Variants in HECW1 observed in about 807,000 individuals in gnomAD.
HECW1 encodes HECT, C2 and WW domain containing E3 ubiquitin protein ligase 1, also known as E3 ubiquitin-protein ligase HECW1.
In HECW1, 61 loss-of-function variants were observed where a neutral mutation model predicts 182.3. That is an observed-to-expected ratio of 0.33 (90% CI 0.27 to 0.41). The LOEUF (loss-of-function observed/expected upper bound fraction) is 0.41, where lower values mean the gene tolerates loss of function less well. HECW1 is among the 10% of genes least tolerant of loss of function. HECW1 has a pLI of 1.00. For synonymous variants in HECW1, 859 were observed against 832.6 expected (o/e 1.03, Z -0.55); for missense variants, 1,739 against 2,108.9 (o/e 0.82, Z 3.44).
chr7:43,523,641 A>T (rs967006942), intron 24 of HECW1, among the ~76,000 whole-genome samples: 3 of 152,156 alleles, frequency 2.0e-5, no homozygotes, highest in African/African-American at 7.2e-5. Context: ...CGCCATCTCG[A>T]AAAAAAGAAA....
chr7:43,497,011 G>T (rs558390318), intron 19 of HECW1, among the ~76,000 whole-genome samples: 8 of 152,232 alleles, frequency 5.3e-5, no homozygotes, highest in East Asian at 1.9e-4. Context: ...CAAGCTTGGG[G>T]TTTGTTTTTT....
At chr7:43,295,365 G>C (rs1382420064) in intron 3 of HECW1, among the ~76,000 whole-genome samples, 5 of 152,300 alleles carry the variant, frequency 3.3e-5, no homozygotes, top group African/African-American at 4.8e-5. Context: ...TAGGAGGCAG[G>C]TTGGCCCAAG....
chr7:43,362,466 A>T (rs1343739057), intron 6 of HECW1, among the ~76,000 whole-genome samples: 1 of 152,154 alleles, frequency 6.6e-6, no homozygotes, highest in Non-Finnish European at 1.5e-5. Context: ...GGCCATGCAG[A>T]TTGGAACGTG....
intron 2 of HECW1, among the ~76,000 whole-genome samples, chr7:43,153,553 G>A (rs983647826): frequency 6.6e-6 from 1 of 152,160 alleles, no homozygotes; most frequent in Non-Finnish European, 1.5e-5. Flanking sequence ...GTCAGCATCT[G>A]TTTTCTTTGT....
chr7:43,159,057 C>T (rs1790206282), intron 2 of HECW1, among the ~76,000 whole-genome samples: 1 of 152,050 alleles, frequency 6.6e-6, no homozygotes, highest in South Asian at 2.1e-4. Context: ...GGGACCACAG[C>T]CTGAGAACTG....
chr7:43,116,898 T>A (rs1785097700), intron 2 of HECW1, among the ~76,000 whole-genome samples: 1 of 152,200 alleles, frequency 6.6e-6, no homozygotes, highest in Non-Finnish European at 1.5e-5. Context: ...GTGATTATTT[T>A]TGTTGGTTTA....
intron 11 of HECW1, among the ~76,000 whole-genome samples, chr7:43,447,902 G>T (rs1445955315): frequency 6.6e-6 from 1 of 152,144 alleles, no homozygotes; most frequent in Non-Finnish European, 1.5e-5. Flanking sequence ...GAGGTGGGTG[G>T]ATTGCCTGAG....
At chr7:43,232,205 GAAGAAAGACATCCTT>G (rs1382238610) in intron 2 of HECW1, among the ~76,000 whole-genome samples, 6 of 152,130 alleles carry the variant, frequency 3.9e-5, no homozygotes, top group Non-Finnish European at 7.3e-5. Context: ...CCACAGGAAA[GAAGAAAGACATCCTT>G]AAATGCAACC....
chr7:43,153,316 G>A (rs569897399), intron 2 of HECW1, among the ~76,000 whole-genome samples: 157 of 152,282 alleles, frequency 1.0e-3, no homozygotes, highest in Non-Finnish European at 1.8e-3. Flanking sequence ...TGGAAAAAGA[G>A]AATGGAGATG....
intron 6 of HECW1, among the ~76,000 whole-genome samples, chr7:43,364,663 C>T (rs986096152): frequency 6.6e-6 from 1 of 152,170 alleles, no homozygotes; most frequent in Non-Finnish European, 1.5e-5. Flanking sequence ...TACAAAGGCA[C>T]GGGGTGAGAA....
chr7:43,362,131 CAA>C (rs34879817), intron 6 of HECW1, among the ~76,000 whole-genome samples: 12,428 of 87,516 alleles, frequency 0.14, 469 homozygotes, highest in East Asian at 0.28. Context: ...AACTCCGTCT[CAA>C]AAAAAAAAAA....
At chr7:43,206,121 G>C (rs1204973647) in intron 2 of HECW1, among the ~76,000 whole-genome samples, 1 of 152,166 alleles carries the variant, frequency 6.6e-6, no homozygotes, top group Non-Finnish European at 1.5e-5. Context: ...TTTGGAACCG[G>C]AGAGCAAATT....
At chr7:43,323,064 C>G (rs1376931101) in intron 5 of HECW1, among the ~76,000 whole-genome samples, 1 of 152,186 alleles carries the variant, frequency 6.6e-6, no homozygotes, top group Non-Finnish European at 1.5e-5. Context: ...AGCCACATCT[C>G]TTCTACACTT....
At chr7:43,552,105 CAAAA>C in intron 27 of HECW1, 113 bp from the exon 28 acceptor site, 2 of 671,352 alleles carry the variant, frequency 3.0e-6, no homozygotes. Context: ...ATTACAGACT[CAAAA>C]AAAGTATTGC....
At chr7:43,231,103 A>C (rs1398970509) in intron 2 of HECW1, among the ~76,000 whole-genome samples, 1 of 152,216 alleles carries the variant, frequency 6.6e-6, no homozygotes, top group East Asian at 1.9e-4. Flanking sequence ...TATGAAGTAG[A>C]TAGAATTCTA....
chr7:43,471,710 C>T (rs1489095065), intron 16 of HECW1, among the ~76,000 whole-genome samples: 1 of 152,146 alleles, frequency 6.6e-6, no homozygotes, highest in Non-Finnish European at 1.5e-5. Context: ...CTGAGGGAGG[C>T]AGTCACCATC....
At chr7:43,500,609 T>C (rs1585102166) in intron 19 of HECW1, 90 bp from the exon 20 acceptor site, 3 of 1,033,876 alleles carry the variant, frequency 2.9e-6, no homozygotes, top group East Asian at 4.8e-5. Context: ...TTCAGCAGTA[T>C]TGGAAGAGGA....
chr7:43,137,427 G>T (rs543449960), intron 2 of HECW1, among the ~76,000 whole-genome samples: 1 of 152,130 alleles, frequency 6.6e-6, no homozygotes, highest in African/African-American at 2.4e-5. Flanking sequence ...TCTCTAAAAT[G>T]GATACTCATC....
intron 5 of HECW1, among the ~76,000 whole-genome samples, chr7:43,321,083 A>G (rs1810056848): frequency 6.6e-6 from 1 of 152,134 alleles, no homozygotes; most frequent in African/African-American, 2.4e-5. Context: ...CCATAGTTAG[A>G]CCAGGTCTTC....
Sources: allele counts gnomAD v4.1 joint callset (sites outside exome capture counted in the v4.1 genomes callset), GRCh38; gene constraint gnomAD v4.1.1; transcripts MANE v1.5; gene names NCBI Gene and HGNC (gene_info 2026-07-23, HGNC 2026-07-21).